The following RIN2 variants were observed in gnomAD, a reference collection of about 807,000 sequenced individuals.
The protein encoded by RIN2 is Ras and Rab interactor 2.
RIN2 carries 36 observed loss-of-function variants against 78.0 expected under a neutral mutation model. The ratio of observed to expected loss-of-function variants is 0.46; its 90% CI spans 0.35 to 0.61. The LOEUF (loss-of-function observed/expected upper bound fraction) is 0.61. RIN2 is among the 20% of genes least tolerant of loss of function. The pLI is 0.00. For synonymous variants in RIN2, 466 were observed against 466.8 expected (o/e 1.00, Z 0.02); for missense variants, 1,087 against 1,159.7 (o/e 0.94, Z 0.91).
chr20:19,799,229 C>T (rs1270243845), intron 1 of RIN2, among the ~76,000 whole-genome samples: 1 of 152,054 alleles, frequency 6.6e-6, no homozygotes, highest in East Asian at 1.9e-4. Flanking sequence ...CTGATTAGTC[C>T]CATCTCCAGA....
intron 1 of RIN2, among the ~76,000 whole-genome samples, chr20:19,764,752 G>C (rs1312492842): frequency 6.6e-6 from 1 of 151,742 alleles, no homozygotes; most frequent in Non-Finnish European, 1.5e-5. Context: ...AAATTCATTT[G>C]AGATCATTTG....
At chr20:19,995,689 G>A (rs559816625) in intron 11 of RIN2, among the ~76,000 whole-genome samples, 1 of 152,154 alleles carries the variant, frequency 6.6e-6, no homozygotes, top group Non-Finnish European at 1.5e-5. Flanking sequence ...CAAAGGAAGG[G>A]GGGGGTAAGA....
chr20:19,981,572 C>G (rs897628477), intron 9 of RIN2, among the ~76,000 whole-genome samples: 3 of 152,118 alleles, frequency 2.0e-5, no homozygotes, highest in Non-Finnish European at 2.9e-5. Flanking sequence ...TTTTTCCTGG[C>G]CTTTTACTAA....
intron 2 of RIN2, among the ~76,000 whole-genome samples, chr20:19,826,864 A>G (rs1189155249): frequency 6.7e-6 from 1 of 150,118 alleles, no homozygotes; most frequent in East Asian, 2.0e-4. Context: ...AGGTGTCATT[A>G]TTTGTCAACT....
At chr20:19,838,091 C>T (rs1347418876) in intron 2 of RIN2, among the ~76,000 whole-genome samples, 3 of 152,154 alleles carry the variant, frequency 2.0e-5, no homozygotes, top group African/African-American at 7.2e-5. Context: ...AAAACAAAAA[C>T]ATATCTTCTC....
intron 9 of RIN2, 28 bp from the exon 10 acceptor site, chr20:19,989,978 G>A (rs1161221594): frequency 8.0e-6 from 12 of 1,504,700 alleles, no homozygotes; most frequent in Non-Finnish European, 1.1e-5. Context: ...TCAGACAATA[G>A]TCATAGTAGC....
intron 2 of RIN2, among the ~76,000 whole-genome samples, chr20:19,812,137 TTTTTAA>T (rs2035624970): frequency 6.6e-6 from 1 of 152,182 alleles, no homozygotes; most frequent in African/African-American, 2.4e-5. Flanking sequence ...ATTTGGACTG[TTTTTAA>T]TTTTATTGTT....
At chr20:19,823,392 T>C (rs932184835) in intron 2 of RIN2, 3 of 652,924 alleles carry the variant, frequency 4.6e-6, no homozygotes, top group African/African-American at 3.7e-5. Context: ...TGCCTGCTTT[T>C]TTTTTTTTCT....
intron 1 of RIN2, among the ~76,000 whole-genome samples, chr20:19,794,010 G>T (rs1002701330): frequency 6.6e-6 from 1 of 152,112 alleles, no homozygotes; most frequent in African/African-American, 2.4e-5. Flanking sequence ...AATCAAATTG[G>T]TCACTGAATC....
intron 9 of RIN2, among the ~76,000 whole-genome samples, chr20:19,985,469 GA>G (rs967774230): frequency 4.7e-4 from 72 of 152,284 alleles, no homozygotes; most frequent in African/African-American, 1.7e-3. Context: ...AATATTTTCA[GA>G]AAACTTGTTT....
chr20:19,904,399 A>G (rs1010082931), intron 3 of RIN2, among the ~76,000 whole-genome samples: 4 of 152,074 alleles, frequency 2.6e-5, no homozygotes, highest in African/African-American at 7.2e-5. Context: ...GGCACCGGGT[A>G]TGCGGTGCTG....
intron 2 of RIN2, among the ~76,000 whole-genome samples, chr20:19,851,200 G>A (rs1241033398): frequency 6.6e-6 from 1 of 152,174 alleles, no homozygotes; most frequent in Non-Finnish European, 1.5e-5. Flanking sequence ...GATGGAGGGG[G>A]TCAGTGGCAA....
At chr20:19,911,273 G>A (rs544601256) in intron 3 of RIN2, among the ~76,000 whole-genome samples, 3 of 151,530 alleles carry the variant, frequency 2.0e-5, no homozygotes, top group East Asian at 2.0e-4. Flanking sequence ...GGCTGGTCTC[G>A]AACTCCTGAC....
intron 1 of RIN2, among the ~76,000 whole-genome samples, chr20:19,763,441 T>C (rs140530234): frequency 1.1e-3 from 161 of 152,046 alleles, no homozygotes; most frequent in African/African-American, 3.8e-3. Flanking sequence ...CAGAGAAGTG[T>C]GGAATGTCAG....
In RIN2 at chr20:19,940,363, A is replaced by G. The variant is rs572568977; in HGVS notation, c.158+5164A>G. On this transcript the variant is annotated intron_variant, in intron 4 of 12. Transcript: ENST00000255006. ...CCTCAGAGACCTCTTGCAGGTGGCC[A>G]CCAACCGGTGCATAAAAAAATAAAA... 3.2e-4 allele frequency among the ~76,000 whole-genome samples: 49 copies of G among 152,328 alleles called. No homozygotes were observed. The South Asian group carries it at 0.01, about 32-fold the overall frequency.
intron 1 of RIN2, among the ~76,000 whole-genome samples, chr20:19,786,904 G>A (rs6112576): frequency 0.059 from 8,963 of 152,158 alleles, 281 homozygotes; most frequent in Middle Eastern, 0.1. Flanking sequence ...TTCTGTTTTT[G>A]TACTTGCAAA....
chr20:19,802,498 G>T (rs2035273074), intron 2 of RIN2, among the ~76,000 whole-genome samples: 1 of 150,886 alleles, frequency 6.6e-6, no homozygotes, highest in South Asian at 2.1e-4. Flanking sequence ...AGTATACCTA[G>T]AGTTCCTGGG....
chr20:19,908,087 A>T (rs1257142291), intron 3 of RIN2, among the ~76,000 whole-genome samples: 1 of 152,188 alleles, frequency 6.6e-6, no homozygotes, highest in African/African-American at 2.4e-5. Context: ...CCTTCACCAC[A>T]GTCGGGAGAG....
intron 3 of RIN2, among the ~76,000 whole-genome samples, chr20:19,933,662 G>A (rs936200680): frequency 6.6e-6 from 1 of 152,144 alleles, no homozygotes; most frequent in Non-Finnish European, 1.5e-5. Flanking sequence ...TCACATTTTA[G>A]AACAAGCTTT....
Sources: allele counts gnomAD v4.1 joint callset (sites outside exome capture counted in the v4.1 genomes callset), GRCh38; gene constraint gnomAD v4.1.1; transcripts MANE v1.5; gene names NCBI Gene and HGNC (gene_info 2026-07-23, HGNC 2026-07-21).